The following ARHGAP24 variants were observed in gnomAD, a reference collection of about 807,000 sequenced individuals.
ARHGAP24 encodes rho GTPase-activating protein 24.
ARHGAP24 carries 50 observed loss-of-function variants against 76.4 expected under a neutral mutation model. That is an observed-to-expected ratio of 0.65 (90% confidence interval 0.52 to 0.83). The LOEUF (loss-of-function observed/expected upper bound fraction) is 0.83, where lower values mean the gene tolerates loss of function less well. Ranked by LOEUF, ARHGAP24 falls within the 40% of genes least tolerant of loss-of-function variation. The pLI is 0.00. For synonymous variants in ARHGAP24, 345 were observed against 323.3 expected, an observed-to-expected ratio of 1.07 and a Z score of -0.72; for missense variants, 930 against 914.2, an observed-to-expected ratio of 1.02 and a Z score of -0.22.
intron 2 of ARHGAP24, among the ~76,000 whole-genome samples, chr4:85,651,202 GTC>G (rs2109981023): frequency 6.7e-6 from 1 of 149,400 alleles, no homozygotes; most frequent in South Asian, 2.1e-4. Flanking sequence ...GGGCTTGTAT[GTC>G]TCTGCAAGAA....
chr4:85,802,544 C>T (rs985557333), intron 3 of ARHGAP24, among the ~76,000 whole-genome samples: 3 of 152,220 alleles, frequency 2.0e-5, no homozygotes, highest in African/African-American at 7.2e-5. Flanking sequence ...GTAATCCTAG[C>T]ACTTTGGGAG....
chr4:85,765,325 C>A (rs760339764), intron 3 of ARHGAP24, among the ~76,000 whole-genome samples: 1 of 151,996 alleles, frequency 6.6e-6, no homozygotes, highest in Non-Finnish European at 1.5e-5. Flanking sequence ...GGCATTAAAA[C>A]GTTTTTGTTT....
intron 8 of ARHGAP24, among the ~76,000 whole-genome samples, chr4:85,988,219 CAT>C (rs1446285981): frequency 6.6e-6 from 1 of 151,796 alleles, no homozygotes; most frequent in Non-Finnish European, 1.5e-5. Context: ...CAGATAGACA[CAT>C]GTGCACACAG....
intron 3 of ARHGAP24, among the ~76,000 whole-genome samples, chr4:85,904,536 A>G (rs1734671729): frequency 2.0e-5 from 3 of 152,342 alleles, no homozygotes; most frequent in South Asian, 2.1e-4. Context: ...ATGCTACTAA[A>G]TGAAATTTGA....
At chr4:85,498,688 G>A (rs1366992957) in intron 1 of ARHGAP24, among the ~76,000 whole-genome samples, 1 of 152,168 alleles carries the variant, frequency 6.6e-6, no homozygotes, top group Non-Finnish European at 1.5e-5. Context: ...TTAGAATCGT[G>A]GGGAATTGAT....
intron 3 of ARHGAP24, among the ~76,000 whole-genome samples, chr4:85,742,044 T>G (rs1051723984): frequency 1.3e-5 from 2 of 152,190 alleles, no homozygotes; most frequent in African/African-American, 2.4e-5. Context: ...GTAAGGCAGG[T>G]TGACTGGGAT....
chr4:85,960,819 T>C (rs569986308), intron 5 of ARHGAP24, among the ~76,000 whole-genome samples: 1 of 152,262 alleles, frequency 6.6e-6, no homozygotes, highest in African/African-American at 2.4e-5. Flanking sequence ...CATAGTCCTA[T>C]CTATGAATGG....
At chr4:85,664,389 G>T (rs961482186) in intron 2 of ARHGAP24, among the ~76,000 whole-genome samples, 12 of 151,090 alleles carry the variant, frequency 7.9e-5, no homozygotes, top group African/African-American at 3.0e-4. Context: ...GTGTCTATTT[G>T]ATTCTTCTCT....
At chr4:85,872,102 A>T (rs985831258) in intron 3 of ARHGAP24, among the ~76,000 whole-genome samples, 1 of 151,866 alleles carries the variant, frequency 6.6e-6, no homozygotes, top group East Asian at 1.9e-4. Flanking sequence ...AATTTCAAAC[A>T]GGCTGAATGC....
chr4:85,561,495 A>G (rs964836), intron 1 of ARHGAP24, among the ~76,000 whole-genome samples: 129,027 of 152,154 alleles, frequency 0.85, 56,232 homozygotes, highest in East Asian at 0.98. Context: ...GTGAACTGAG[A>G]AAACTCATCT....
At chr4:85,661,666 C>T (rs938531014) in intron 2 of ARHGAP24, among the ~76,000 whole-genome samples, 4 of 151,950 alleles carry the variant, frequency 2.6e-5, no homozygotes, top group African/African-American at 9.7e-5. Context: ...ATCCCTCCCC[C>T]CTTCCCCCAC....
In ARHGAP24 at chr4:85,826,913, T is replaced by C. The variant is rs577731508; in HGVS notation, c.269-96735T>C. On this transcript the variant is annotated intron_variant, in intron 3 of 9. Coordinates refer to ENST00000395184, the MANE Select transcript of ARHGAP24 (RefSeq NM_001025616.3). ...AAGTCATTATTTACCTATTAAAAAA[T>C]ATATACAACTAAGAAGAAATGTTTT... Among the ~76,000 whole-genome samples, 9 of 152,314 alleles carry C rather than the reference T, an allele frequency of 5.9e-5. No homozygotes were observed. In the South Asian group the frequency reaches 1.9e-3, roughly 32 times the overall value.
chr4:85,526,419 A>G (rs1321464031), intron 1 of ARHGAP24, among the ~76,000 whole-genome samples: 1 of 151,480 alleles, frequency 6.6e-6, no homozygotes, highest in Non-Finnish European at 1.5e-5. Flanking sequence ...AAAAGAAACA[A>G]CTTTTTTTTT....
chr4:85,623,356 C>A (rs886807133), intron 2 of ARHGAP24, among the ~76,000 whole-genome samples: 3 of 152,148 alleles, frequency 2.0e-5, no homozygotes, highest in Admixed American at 1.3e-4. Flanking sequence ...AGTAGGGAAT[C>A]CTTTCCCCAT....
intron 3 of ARHGAP24, among the ~76,000 whole-genome samples, chr4:85,772,335 G>A (rs939928322): frequency 1.3e-5 from 2 of 152,192 alleles, no homozygotes; most frequent in Admixed American, 6.5e-5. Flanking sequence ...TCAAGATTTA[G>A]ACAGTAAGGT....
At chr4:85,746,699 G>A (rs1347283119) in intron 3 of ARHGAP24, among the ~76,000 whole-genome samples, 1 of 152,110 alleles carries the variant, frequency 6.6e-6, no homozygotes, top group Non-Finnish European at 1.5e-5. Flanking sequence ...CACCCAGGCT[G>A]GAGTGCAGTT....
rs543288433 is a variant in ARHGAP24, at chr4:85,850,623, T to C, written c.269-73025T>C. Among the ~76,000 whole-genome samples the C allele has an allele frequency of 5.3e-5, 8 of 152,348 alleles. No individual in the cohort carries two copies. In the East Asian group the frequency reaches 1.3e-3, roughly 26 times the overall value. ...TTCCCTATACACACTGCTTTAAATG[T>C]GTCCCAGAGATTCTGGTACATTGTG... On this transcript the variant is annotated intron_variant, in intron 3 of 9. Coordinates refer to ENST00000395184, the MANE Select transcript of ARHGAP24 (RefSeq NM_001025616.3).
At chr4:85,588,675 A>G (rs1727962800) in intron 2 of ARHGAP24, among the ~76,000 whole-genome samples, 1 of 152,252 alleles carries the variant, frequency 6.6e-6, no homozygotes, top group Non-Finnish European at 1.5e-5. Context: ...TTCATTACAG[A>G]GAAGTATATA....
intron 5 of ARHGAP24, among the ~76,000 whole-genome samples, chr4:85,961,319 T>C (rs1197448325): frequency 2.2e-5 from 3 of 137,864 alleles, no homozygotes; most frequent in Non-Finnish European, 4.7e-5. Flanking sequence ...GGGACAAGTT[T>C]TGTGTGGACT....
Sources: allele counts gnomAD v4.1 joint callset (sites outside exome capture counted in the v4.1 genomes callset), GRCh38; gene constraint gnomAD v4.1.1; transcripts MANE v1.5; gene names NCBI Gene and HGNC (gene_info 2026-07-23, HGNC 2026-07-21).